The following SHANK2 variants were observed in gnomAD, a reference collection of about 807,000 sequenced individuals.
SHANK2 encodes SH3 and multiple ankyrin repeat domains protein 2.
A neutral mutation model predicts 133.7 loss-of-function variants in SHANK2; 43 were observed. That is an observed-to-expected ratio of 0.32 (90% CI 0.25 to 0.41). The LOEUF (loss-of-function observed/expected upper bound fraction) is 0.41, where lower values mean the gene tolerates loss of function less well. Among genes scored for constraint, SHANK2 ranks in the 10% least tolerant of loss-of-function variants. The pLI is 1.00. For missense variants in SHANK2, 1,994 were observed against 2,235.8 expected (o/e 0.89, Z 2.18); for synonymous variants, 1,017 against 952.8 (o/e 1.07, Z -1.24).
chr11:71,075,828 C>T (rs886169881), intron 8 of SHANK2, among the ~76,000 whole-genome samples: 273 of 152,290 alleles, frequency 1.8e-3, no homozygotes, highest in African/African-American at 6.0e-3. Context: ...AGTTGCAGGA[C>T]GCAGGGGTAG....
At chr11:71,084,301 C>G (rs1232366323) in intron 8 of SHANK2, among the ~76,000 whole-genome samples, 1 of 152,208 alleles carries the variant, frequency 6.6e-6, no homozygotes, top group Non-Finnish European at 1.5e-5. Context: ...AATTTGCAGA[C>G]AGCCTGAGCT....
rs114068252 is a variant in SHANK2, at chr11:70,548,275, A to G, written c.2062-45344T>C. 3.3e-3 allele frequency among the ~76,000 whole-genome samples: 506 copies of G among 152,332 alleles called. 1 individual carries two copies. Among genetic ancestry groups the G allele is most frequent in the African/African-American group, 0.012 (485 of 41,574 alleles). On this transcript the variant is annotated intron_variant, in intron 17 of 25. Coordinates refer to ENST00000601538, the MANE Select transcript of SHANK2 (RefSeq NM_012309.5). ...TCTCCTGTGATTTTGATCTTTCTGA[A>G]AAGAGCCTCTGACACAGACGTGCAC...
At chr11:70,947,130 C>T (rs1174715721) in intron 10 of SHANK2, among the ~76,000 whole-genome samples, 1 of 130,688 alleles carries the variant, frequency 7.7e-6, no homozygotes, top group Admixed American at 9.0e-5. Context: ...AGGCACCTCT[C>T]CAACACACAC....
At chr11:71,245,418 AAT>A (rs147251689) in intron 1 of SHANK2, among the ~76,000 whole-genome samples, 63 of 152,402 alleles carry the variant, frequency 4.1e-4, no homozygotes, top group African/African-American at 1.5e-3. Context: ...CGTAAATAAC[AAT>A]AGATTCGTGC....
chr11:70,482,030 C>T (rs2058740567), intron 25 of SHANK2, among the ~76,000 whole-genome samples: 1 of 152,220 alleles, frequency 6.6e-6, no homozygotes, highest in Non-Finnish European at 1.5e-5. Context: ...GTGGCCGTGG[C>T]GCACCTCCAT....
intron 10 of SHANK2, among the ~76,000 whole-genome samples, chr11:70,947,968 G>A (rs1264697192): frequency 1.3e-5 from 2 of 152,082 alleles, no homozygotes; most frequent in East Asian, 3.9e-4. Flanking sequence ...CACTGGTGTG[G>A]GCACCATCCC....
At position 70,516,830 on chromosome 11, in the gene SHANK2, G is replaced by T. The variant is rs192707229; in HGVS notation, c.2062-13899C>A. On this transcript the variant is annotated intron_variant, in intron 17 of 25. Coordinates refer to ENST00000601538, the MANE Select transcript of SHANK2 (RefSeq NM_012309.5). ...ATGCTTGTAATCCCAGCACTTTGGG[G>T]GGCCGAGTCGGGTGGATCACCTGAG... Among the ~76,000 whole-genome samples the T allele has an allele frequency of 9.2e-5, 14 of 152,208 alleles. No individual in the cohort carries two copies. The East Asian group carries it at 2.7e-3, about 29-fold the overall frequency.
intron 2 of SHANK2, among the ~76,000 whole-genome samples, chr11:71,160,444 G>A (rs1952991344): frequency 6.6e-6 from 1 of 152,160 alleles, no homozygotes; most frequent in Admixed American, 6.5e-5. Flanking sequence ...TCCCTATAAA[G>A]AAAGGAAGAA....
chr11:71,200,588 C>T (rs2135627325), intron 2 of SHANK2, among the ~76,000 whole-genome samples: 1 of 152,242 alleles, frequency 6.6e-6, no homozygotes. Flanking sequence ...CTACATTTAA[C>T]ATAACTCTAC....
intron 2 of SHANK2, among the ~76,000 whole-genome samples, chr11:71,168,100 T>C (rs1565491676): frequency 2.9e-5 from 4 of 140,006 alleles, no homozygotes; most frequent in African/African-American, 5.6e-5. Flanking sequence ...GGCTCCTCAC[T>C]TCTCAGACGG....
chr11:70,904,188 T>C (rs2938254), intron 10 of SHANK2, among the ~76,000 whole-genome samples: 51,680 of 152,060 alleles, frequency 0.34, 12,084 homozygotes, highest in African/African-American at 0.67. Context: ...AGGATCAGAC[T>C]GCCACAAGGT....
chr11:70,760,847 G>A (rs983020327), intron 14 of SHANK2, among the ~76,000 whole-genome samples: 3 of 152,338 alleles, frequency 2.0e-5, no homozygotes, highest in African/African-American at 7.2e-5. Flanking sequence ...GAAGGCTCCC[G>A]GGAGGAGTGA....
In SHANK2 at chr11:70,870,705, C is replaced by T. The variant is rs896244597; in HGVS notation, c.1174+25796G>A. On this transcript the variant is annotated intron_variant, in intron 11 of 25. Coordinates refer to ENST00000601538, the MANE Select transcript of SHANK2 (RefSeq NM_012309.5). ...TTCCTTGACTGACAGAAGCATCACC[C>T]AGAGCTCTGCCTTCATCTTTGTGTG... 5.9e-5 allele frequency among the ~76,000 whole-genome samples: 9 copies of T among 152,314 alleles called. No individual in the cohort carries two copies. The East Asian group carries it at 1.7e-3, about 29-fold the overall frequency.
chr11:70,510,896 T>G (rs1440224748), intron 17 of SHANK2, among the ~76,000 whole-genome samples: 1 of 152,218 alleles, frequency 6.6e-6, no homozygotes, highest in Non-Finnish European at 1.5e-5. Context: ...ACCTACTCCT[T>G]GCTGCCTCAG....
intron 17 of SHANK2, among the ~76,000 whole-genome samples, chr11:70,594,906 T>C (rs969754822): frequency 6.6e-5 from 10 of 152,122 alleles, no homozygotes; most frequent in Admixed American, 2.6e-4. Flanking sequence ...AGGGACCCCA[T>C]GTTCGTGGTT....
rs531733795 is a variant in SHANK2 at position 70,505,705 on chromosome 11, T to G, written c.2062-2774A>C. 9.2e-5 allele frequency among the ~76,000 whole-genome samples: 14 copies of G among 152,224 alleles called. No homozygotes were observed. In the South Asian group the frequency reaches 2.9e-3, roughly 32 times the overall value. Reference sequence around the variant, plus strand: ...CTGATGCTTGGGGAGAGTACGAGACTGGCACGGGGATGGGCTGCCAGTCAC... The same window carrying G: ...CTGATGCTTGGGGAGAGTACGAGACGGGCACGGGGATGGGCTGCCAGTCAC... On this transcript the variant is annotated intron_variant, in intron 17 of 25. Transcript: ENST00000601538.
At chr11:70,583,181 C>T (rs902709753) in intron 17 of SHANK2, among the ~76,000 whole-genome samples, 8 of 152,282 alleles carry the variant, frequency 5.3e-5, no homozygotes, top group South Asian at 2.1e-4. Flanking sequence ...CATCTATCTA[C>T]GGGCTCAGGT....
chr11:71,235,678 G>T (rs1954818507), intron 1 of SHANK2, among the ~76,000 whole-genome samples: 2 of 152,022 alleles, frequency 1.3e-5, no homozygotes, highest in African/African-American at 2.4e-5. Context: ...ATTCTCGACG[G>T]CTCACAAGGG....
chr11:70,733,877 G>A (rs767848775), intron 14 of SHANK2, among the ~76,000 whole-genome samples: 48 of 152,314 alleles, frequency 3.2e-4, no homozygotes, highest in Non-Finnish European at 6.0e-4. Flanking sequence ...CTGCCAAGGC[G>A]GGGAGGGTGA....
Sources: gnomAD v4.1 joint callset for allele counts (sites outside exome capture counted in the v4.1 genomes callset) on GRCh38, gnomAD v4.1.1 for gene constraint, MANE v1.5 for transcripts, NCBI Gene and HGNC (gene_info 2026-07-23, HGNC 2026-07-21) for gene names.